DIP2C: variants seen among roughly 807,000 people sequenced by gnomAD.
DIP2C encodes the protein DIP2 acetate--CoA ligase C (putative).
Under a neutral mutation model 192.4 loss-of-function variants are expected in DIP2C, and 33 were observed. The ratio of observed to expected loss-of-function variants is 0.17; its 90% CI spans 0.13 to 0.23. The LOEUF is 0.23. Ranked by LOEUF, DIP2C falls within the 10% of genes least tolerant of loss-of-function variation. The probability of loss-of-function intolerance (pLI) is 1.00; values close to 1 mark genes in which losing one functional copy is unlikely to be tolerated. For missense variants in DIP2C, 1,537 were observed against 2,110.1 expected, an observed-to-expected ratio of 0.73 and a Z score of 5.32; for synonymous variants, 979 against 864.1, an observed-to-expected ratio of 1.13 and a Z score of -2.33.
At chr10:309,777 C>T (rs1956491942) in intron 32 of DIP2C, among the ~76,000 whole-genome samples, 1 of 152,122 alleles carries the variant, frequency 6.6e-6, no homozygotes, top group African/African-American at 2.4e-5. Context: ...TCTCGAACTC[C>T]TGACCTCAGG....
At chr10:396,830 G>GT (rs942905061) in intron 10 of DIP2C, among the ~76,000 whole-genome samples, 1 of 65,390 alleles carries the variant, frequency 1.5e-5, no homozygotes, top group Non-Finnish European at 4.5e-5. Context: ...ATCCGGTGGG[G>GT]GGGGGGGAAA....
rs371143997 is a variant in DIP2C, at chr10:686,971, T to C, written c.85+2523A>G. On this transcript the variant is annotated intron_variant, in intron 1 of 36. Transcript: ENST00000280886. ...CTATGTTATGTGCTTAAAACGGAAC[T>C]TTTTCCATCCTCCTCTGTAGGAAAT... Among the ~76,000 whole-genome samples the C allele has an allele frequency of 2.0e-3, 301 of 152,328 alleles. 3 individuals carry two copies. Among genetic ancestry groups the C allele is most frequent in the South Asian group, 5.4e-3 (26 of 4,834 alleles).
chr10:526,075 C>G (rs373062658), intron 1 of DIP2C, among the ~76,000 whole-genome samples: 5 of 152,202 alleles, frequency 3.3e-5, no homozygotes, highest in Non-Finnish European at 7.3e-5. Context: ...CACTCACCAT[C>G]GGTCCCAAGT....
At chr10:463,336 G>A (rs1454107454) in intron 3 of DIP2C, among the ~76,000 whole-genome samples, 2 of 152,142 alleles carry the variant, frequency 1.3e-5, no homozygotes, top group Non-Finnish European at 2.9e-5. Flanking sequence ...AAAATCACAA[G>A]CATTCTTATA....
At position 408,023 on chromosome 10, in the gene DIP2C, T is replaced by C. The variant is rs190946018; in HGVS notation, c.1149+903A>G. Among the ~76,000 whole-genome samples the C allele has an allele frequency of 3.7e-3, 567 of 152,318 alleles. 2 individuals are homozygous for C. Among genetic ancestry groups the C allele is most frequent in the Middle Eastern group, 0.01 (3 of 294 alleles). On this transcript the variant is annotated intron_variant, in intron 9 of 36. Coordinates refer to ENST00000280886, the MANE Select transcript of DIP2C (RefSeq NM_014974.3). ...ATCCAGGGTCATGAGGTGTCTTCTCTATATTTTCTTCTAAGGCATTTTCTT... is the reference window on the plus strand; with the variant it reads ...ATCCAGGGTCATGAGGTGTCTTCTCCATATTTTCTTCTAAGGCATTTTCTT...
intron 1 of DIP2C, among the ~76,000 whole-genome samples, chr10:548,203 G>GCC (rs1259544852): frequency 0.038 from 1,912 of 50,560 alleles, 24 homozygotes; most frequent in South Asian, 0.061. Flanking sequence ...ACACGAGTCT[G>GCC]CCCCACCCCC....
chr10:560,806 G>A (rs1459494459), intron 1 of DIP2C, among the ~76,000 whole-genome samples: 8 of 152,106 alleles, frequency 5.3e-5, no homozygotes, highest in African/African-American at 1.7e-4. Context: ...GGCCATGATC[G>A]GTGGGGGGTG....
At position 478,478 on chromosome 10, in the gene DIP2C, G is replaced by A. The variant is rs554308185; in HGVS notation, c.158-5929C>T. Reference sequence around the variant, plus strand: ...CACTCATCTCATGTCCGGGCATGCCGGGGGTGCAGATGCACCCAAATTCCC... The same window carrying A: ...CACTCATCTCATGTCCGGGCATGCCAGGGGTGCAGATGCACCCAAATTCCC... On this transcript the variant is annotated intron_variant, in intron 2 of 36. Coordinates refer to ENST00000280886, the MANE Select transcript of DIP2C (RefSeq NM_014974.3). 5.3e-4 allele frequency among the ~76,000 whole-genome samples: 80 copies of A among 151,214 alleles called. 1 individual carries two copies. The highest frequency in any genetic ancestry group is 1.2e-3 in the African/African-American group (48 of 41,006).
chr10:413,753 C>CGTGCGT (rs1487198390), intron 8 of DIP2C, among the ~76,000 whole-genome samples, 160 bp downstream of exon 8: 1 of 148,542 alleles, frequency 6.7e-6, no homozygotes, highest in Admixed American at 6.7e-5. Context: ...CACTGAGCTT[C>CGTGCGT]GTGCGTTCGG....
At chr10:492,177 G>T (rs563654768) in intron 1 of DIP2C, among the ~76,000 whole-genome samples, 34 of 152,332 alleles carry the variant, frequency 2.2e-4, no homozygotes, top group Admixed American at 4.6e-4. Flanking sequence ...GAGGCTCCTT[G>T]CCCCAGGCAT....
intron 1 of DIP2C, among the ~76,000 whole-genome samples, chr10:623,442 G>T (rs1259467935): frequency 6.8e-6 from 1 of 146,206 alleles, no homozygotes; most frequent in South Asian, 2.3e-4. Context: ...GGATGAAACC[G>T]AAATGCTGTG....
At chr10:336,071 A>G (rs940819830) in intron 29 of DIP2C, among the ~76,000 whole-genome samples, 1 of 152,110 alleles carries the variant, frequency 6.6e-6, no homozygotes, top group Non-Finnish European at 1.5e-5. Flanking sequence ...CTAACTAAAA[A>G]AAAAATGTTT....
intron 32 of DIP2C, 65 bp downstream of exon 32, chr10:309,966 G>T: frequency 1.3e-6 from 2 of 1,493,248 alleles, no homozygotes; most frequent in South Asian, 2.3e-5. Flanking sequence ...ATGGAGACCT[G>T]CATGCAAGGC....
At position 613,867 on chromosome 10, in the gene DIP2C, G is replaced by A. The variant is rs552982237; in HGVS notation, c.85+75627C>T. 2.6e-5 allele frequency among the ~76,000 whole-genome samples: 4 copies of A among 152,036 alleles called. No individual in the cohort carries two copies. The East Asian group carries it at 7.7e-4, about 29-fold the overall frequency. On this transcript the variant is annotated intron_variant, in intron 1 of 36. Coordinates refer to ENST00000280886, the MANE Select transcript of DIP2C (RefSeq NM_014974.3). ...GCTTTGGTTCCCCGGCCACCCTCCT[G>A]ATCTCGGCCATCTGATGGCATCACT... is the stretch of plus-strand genomic sequence containing the variant.
intron 3 of DIP2C, among the ~76,000 whole-genome samples, chr10:441,455 C>T (rs574483788): frequency 7.8e-4 from 118 of 152,238 alleles, no homozygotes; most frequent in African/African-American, 2.8e-3. Context: ...GTGTCCCCAC[C>T]CAAATCTCAA....
intron 1 of DIP2C, among the ~76,000 whole-genome samples, chr10:522,773 A>G (rs1846793045): frequency 6.6e-6 from 1 of 152,240 alleles, no homozygotes; most frequent in Non-Finnish European, 1.5e-5. Flanking sequence ...TGGTTTGGAT[A>G]ACAGCCTTTA....
intron 1 of DIP2C, among the ~76,000 whole-genome samples, chr10:656,433 A>T (rs905797956): frequency 7.9e-5 from 12 of 152,216 alleles, no homozygotes; most frequent in Non-Finnish European, 1.6e-4. Context: ...CCCACTACAT[A>T]AGAGCAGAGC....
intron 1 of DIP2C, among the ~76,000 whole-genome samples, chr10:556,844 G>A (rs755502103): frequency 4.6e-5 from 7 of 152,196 alleles, no homozygotes; most frequent in Non-Finnish European, 1.0e-4. Flanking sequence ...TGTGAGCCCC[G>A]ACCCTGGAAG....
chr10:643,365 T>A (rs1167021095), intron 1 of DIP2C, among the ~76,000 whole-genome samples: 1 of 151,858 alleles, frequency 6.6e-6, no homozygotes, highest in Non-Finnish European at 1.5e-5. Context: ...TACAAAAAAA[T>A]TAGCCAGGCG....
Sources: allele counts gnomAD v4.1 joint callset (sites outside exome capture counted in the v4.1 genomes callset), GRCh38; gene constraint gnomAD v4.1.1; transcripts MANE v1.5; gene names NCBI Gene and HGNC (gene_info 2026-07-23, HGNC 2026-07-21).